The following PSMD3 variants were observed in gnomAD, a reference collection of about 807,000 sequenced individuals.
PSMD3 encodes 26S proteasome non-ATPase regulatory subunit 3.
A neutral mutation model predicts 62.8 loss-of-function variants in PSMD3; 5 were observed. The ratio of observed to expected loss-of-function variants is 0.08; its 90% CI spans 0.04 to 0.17. PSMD3 has a LOEUF of 0.17. Among genes scored for constraint, PSMD3 ranks in the 10% least tolerant of loss-of-function variants. PSMD3 has a pLI of 1.00. For missense variants in PSMD3, 524 were observed against 713.6 expected (o/e 0.73, Z 3.03); for synonymous variants, 265 against 283.9 (o/e 0.93, Z 0.67).
At chr17:39,981,576 A>G (rs1438759179) in intron 1 of PSMD3, among the ~76,000 whole-genome samples, 1 of 152,348 alleles carries the variant, frequency 6.6e-6, no homozygotes, top group Admixed American at 6.5e-5. Context: ...GTCTGTGTGT[A>G]AACAGGGCCA....
intron 1 of PSMD3, among the ~76,000 whole-genome samples, chr17:39,984,016 G>A (rs576566496): frequency 0.017 from 2,574 of 152,072 alleles, 34 homozygotes; most frequent in Non-Finnish European, 0.027. Flanking sequence ...TGGCTAACAC[G>A]GTGAAACCCC....
chr17:39,993,256 A>C (rs1405523508), intron 6 of PSMD3: 1 of 152,198 alleles, frequency 6.6e-6, no homozygotes, highest in Non-Finnish European at 1.5e-5. Context: ...GTCCACCCAT[A>C]TGACCTCACT....
chr17:39,994,605 G>A (rs887486629), intron 6 of PSMD3: 3 of 311,006 alleles, frequency 9.6e-6, no homozygotes, highest in African/African-American at 4.3e-5. Flanking sequence ...CCAGGCCTGT[G>A]AGCCCTGGTC....
At chr17:39,992,024 C>CAAAAA (rs59894264) in intron 6 of PSMD3, among the ~76,000 whole-genome samples, 1 of 102,070 alleles carries the variant, frequency 9.8e-6, no homozygotes, top group Non-Finnish European at 2.1e-5. Context: ...GACTCTGTCT[C>CAAAAA]AAAAAAAAAC....
At position 39,996,391 on chromosome 17, in the gene PSMD3, C is replaced by T; in HGVS notation, c.1476+53C>T. ...GCCTGGCAGCAGCACACCCCTCCCT[C>T]CACACTCATGGATTCCTCAGAGAAG... On this transcript the variant is annotated intron_variant, in intron 10 of 11. Coordinates refer to ENST00000264639, the MANE Select transcript of PSMD3 (RefSeq NM_002809.4). This position sits in a 1 kb window ranked among gnomAD's most constrained non-coding sequence, Gnocchi z 5.1. The T allele has an allele frequency of 6.3e-7, 1 of 1,583,602 alleles. No individual in the cohort carries two copies. Among genetic ancestry groups the T allele is most frequent in the East Asian group, 2.2e-5 (1 of 44,640 alleles).
intron 4 of PSMD3, among the ~76,000 whole-genome samples, chr17:39,989,167 C>T (rs1053172316): frequency 1.1e-4 from 16 of 152,304 alleles, no homozygotes; most frequent in Admixed American, 5.2e-4. Context: ...AAGACAAAGT[C>T]CTTACAATAC....
At chr17:39,984,092 C>T (rs932314626) in intron 1 of PSMD3, among the ~76,000 whole-genome samples, 40 of 150,868 alleles carry the variant, frequency 2.7e-4, no homozygotes, top group African/African-American at 6.6e-4. Flanking sequence ...CCCAGCTACT[C>T]GGGAGGCTGA....
At position 39,980,945 on chromosome 17, in the gene PSMD3, C is replaced by A; in HGVS notation, c.-26C>A. 2 of 1,490,120 alleles carry A rather than the reference C, an allele frequency of 1.3e-6. No homozygotes were observed. Among genetic ancestry groups the A allele is most frequent in the East Asian group, 2.4e-5 (1 of 41,288 alleles). 92.3% of individuals were successfully genotyped at this position (1,490,120 alleles called of 1,614,324 possible). A position where few individuals can be genotyped will look rare whatever the true frequency, so the allele number is the denominator to read the frequency against. On this transcript the variant is annotated 5_prime_UTR_variant, in exon 1 of 12. Coordinates refer to ENST00000264639, the MANE Select transcript of PSMD3 (RefSeq NM_002809.4). The stretch of plus-strand genomic sequence containing the variant: ...AACGCGAGGCCCCGGCCTCGGTCCC[C>A]GGACTAGGCCGTGACCCCGGGTGCC...
chr17:39,987,049 A>C (rs987761311), intron 3 of PSMD3, among the ~76,000 whole-genome samples: 36 of 152,222 alleles, frequency 2.4e-4, no homozygotes, highest in African/African-American at 8.2e-4. Context: ...TCTCCCAGCT[A>C]TATGTAAGAT....
intron 3 of PSMD3, 35 bp downstream of exon 3, chr17:39,986,747 C>T: frequency 6.2e-7 from 1 of 1,610,262 alleles, no homozygotes; most frequent in Non-Finnish European, 8.5e-7. Flanking sequence ...TTCATAAGCC[C>T]CAAGTGATGC....
chr17:39,986,604 C>T lies in PSMD3; in HGVS notation c.441C>T (p.Phe147=), dbSNP rs1231015073. ...TGGACACAGAGGCTGATTTACAGTT[C>T]CGTCCCCGCACGGGAAAAGCTGCGT... ...EPMDTEADLQ[F]RPRTGKAAST... is the part of the protein sequence containing the mutation. Residue 147 remains phenylalanine, a synonymous_variant, in exon 3 of 12, where the codon TTC becomes TTT. Transcript: ENST00000264639. The T allele has an allele frequency of 9.9e-6, 16 of 1,614,058 alleles. No homozygotes were observed. The highest frequency in any genetic ancestry group is 1.3e-5 in the African/African-American group (1 of 74,912).
intron 1 of PSMD3, 142 bp downstream of exon 1, chr17:39,981,332 C>T (rs1419662159): frequency 7.4e-7 from 1 of 1,357,670 alleles, no homozygotes; most frequent in Non-Finnish European, 9.8e-7. Context: ...CCCACTGCCC[C>T]GACACTCCCG....
chr17:39,997,500 C>T lies in PSMD3; in HGVS notation c.1528-4C>T, dbSNP rs751230637. Reference sequence around the variant, plus strand: ...GCTTTGGCCTCACTTGCCTCTCTCCCCAGGAACGGCGTGAGCGAGAACAGC... The same window carrying T: ...GCTTTGGCCTCACTTGCCTCTCTCCTCAGGAACGGCGTGAGCGAGAACAGC... On this transcript the variant is annotated splice_region_variant and splice_polypyrimidine_tract_variant and intron_variant, in intron 11 of 11. Transcript: ENST00000264639. The T allele has an allele frequency of 4.3e-6, 7 of 1,614,062 alleles. No individual in the cohort carries two copies. The highest frequency in any genetic ancestry group is 1.7e-5 in the Admixed American group (1 of 60,004).
chr17:39,997,531 T>C lies in PSMD3; in HGVS notation c.1555T>C (p.Leu519=), dbSNP rs1444940504. Residue 519 remains leucine, a synonymous_variant, in exon 12 of 12, where the codon TTG becomes CTG. Transcript: ENST00000264639. ...ACGGCGTGAGCGAGAACAGCAGGAC[T>C]TGGAGTTTGCCAAGGAGATGGCAGA... ...EERREREQQD[L]EFAKEMAEDD... is the part of the protein sequence containing the mutation. 6.2e-7 allele frequency: 1 copy of C among 1,614,130 alleles called. No homozygotes were observed. The highest frequency in any genetic ancestry group is 1.3e-5 in the African/African-American group (1 of 74,958).
At chr17:39,988,972 G>C (rs953424640) in intron 4 of PSMD3, among the ~76,000 whole-genome samples, 153 bp downstream of exon 4, 2 of 152,140 alleles carry the variant, frequency 1.3e-5, no homozygotes, top group African/African-American at 2.4e-5. Flanking sequence ...CACGTGAGGG[G>C]TGTGGGAGAG....
chr17:39,990,284 A>C, intron 6 of PSMD3, 87 bp downstream of exon 6: 4 of 1,211,286 alleles, frequency 3.3e-6, no homozygotes. Context: ...GCTGGTCTTG[A>C]ACTCCTGGGT....
At position 39,996,376 on chromosome 17, in the gene PSMD3, A is replaced by G; in HGVS notation, c.1476+38A>G. On this transcript the variant is annotated intron_variant, in intron 10 of 11. Coordinates refer to ENST00000264639, the MANE Select transcript of PSMD3 (RefSeq NM_002809.4). The surrounding 1 kb of genome is among the most constrained non-coding windows in gnomAD (Gnocchi z 5.1). ...TGGCTGCAGAGTCACGCCTGGCAGCAGCACACCCCTCCCTCCACACTCATG... is the reference window on the plus strand; with the variant it reads ...TGGCTGCAGAGTCACGCCTGGCAGCGGCACACCCCTCCCTCCACACTCATG... The G allele has an allele frequency of 6.2e-7, 1 of 1,601,818 alleles. No individual in the cohort carries two copies. The highest frequency in any genetic ancestry group is 8.5e-7 in the Non-Finnish European group (1 of 1,172,554).
At chr17:39,984,809 C>A (rs980941260) in intron 2 of PSMD3, among the ~76,000 whole-genome samples, 7 of 152,174 alleles carry the variant, frequency 4.6e-5, no homozygotes, top group African/African-American at 1.4e-4. Context: ...CTGCCTCTTT[C>A]TTCTGAAGCT....
rs1026627350 is a variant in PSMD3, at chr17:39,981,053, C to T, written c.83C>T (p.Pro28Leu). 1 of 1,549,854 alleles carries T rather than the reference C, an allele frequency of 6.5e-7. No individual in the cohort carries two copies. Among genetic ancestry groups the T allele is most frequent in the Non-Finnish European group, 8.7e-7 (1 of 1,146,696 alleles). ...GGCGGAGGAGAACAAGAACCCCCACCGCCGCCGGCCCCCCAGGATGTGGAG... is the reference window on the plus strand; with the variant it reads ...GGCGGAGGAGAACAAGAACCCCCACTGCCGCCGGCCCCCCAGGATGTGGAG... ...PPGGGEQEPP[P>L]PPAPQDVEMK... The change falls in exon 1 of 12, where the codon CCG becomes CTG. Residue 28 changes from proline to leucine, a missense_variant. Physicochemically the swap from Pro to Leu is moderately conservative, Grantham distance 98 (BLOSUM62 -3). This residue lies in a region of PSMD3 where 396 missense variants were observed against 475.8 expected (regional missense o/e 0.83). Coordinates refer to ENST00000264639, the MANE Select transcript of PSMD3 (RefSeq NM_002809.4).
Sources: gnomAD v4.1 joint callset for allele counts (sites outside exome capture counted in the v4.1 genomes callset) on GRCh38, gnomAD v4.1.1 for gene constraint, gnomAD v4.1.1 regional missense constraint, Gnocchi (gnomAD v3.1) non-coding constraint, MANE v1.5 for transcripts, NCBI Gene and HGNC (gene_info 2026-07-23, HGNC 2026-07-21) for gene names.